PRAG1: variants seen among roughly 807,000 people sequenced by gnomAD.
PRAG1 encodes the protein PEAK1 related, kinase-activating pseudokinase 1.
A neutral mutation model predicts 95.6 loss-of-function variants in PRAG1; 110 were observed. The observed-to-expected ratio is 1.15, with a 90% CI of 0.99 to 1.35. The LOEUF (loss-of-function observed/expected upper bound fraction) is 1.35. Ranked by LOEUF, PRAG1 falls within the 40% of genes most tolerant of loss-of-function variation. The probability of loss-of-function intolerance (pLI) is 0.00; values close to 1 mark genes in which losing one functional copy is unlikely to be tolerated. For missense variants in PRAG1, 2,554 were observed against 1,864.7 expected (o/e 1.37, Z -6.81); for synonymous variants, 1,052 against 819.4 (o/e 1.28, Z -4.85).
chr8:8,367,703 G>A (rs576704876), intron 3 of PRAG1, among the ~76,000 whole-genome samples: 82 of 151,908 alleles, frequency 5.4e-4, no homozygotes, highest in Non-Finnish European at 1.0e-3. Context: ...GTGCAGTGGC[G>A]TGATCTCAGC....
intron 3 of PRAG1, among the ~76,000 whole-genome samples, chr8:8,348,721 C>T (rs1294604827): frequency 6.6e-6 from 1 of 152,180 alleles, no homozygotes; most frequent in East Asian, 1.9e-4. Flanking sequence ...TCAGTCTTCT[C>T]TGACCCTTCT....
Position 8,377,760 on chromosome 8 carries a change from T to C in PRAG1, c.649A>G (p.Thr217Ala). 6.2e-7 allele frequency: 1 copy of C among 1,614,062 alleles called. No homozygotes were observed. The highest frequency in any genetic ancestry group is 1.1e-5 in the South Asian group (1 of 91,084). Residue 217 changes from threonine (T) to alanine (A), a missense_variant, in exon 3 of 6, where the codon ACC becomes GCC. Thr to Ala is a moderately conservative substitution (Grantham distance 58, BLOSUM62 0). Coordinates refer to ENST00000615670, the MANE Select transcript of PRAG1 (RefSeq NM_001080826.3). Reference protein sequence around the residue: ...FRQKLAAFAGTTSGCHQGPGP... With the variant: ...FRQKLAAFAGATSGCHQGPGP... ...GGGCCCTGGTGACAGCCAGATGTGGTCCCAGCAAAGGCAGCCAGTTTCTGG... is the reference window on the plus strand; with the variant it reads ...GGGCCCTGGTGACAGCCAGATGTGGCCCCAGCAAAGGCAGCCAGTTTCTGG...
intron 3 of PRAG1, among the ~76,000 whole-genome samples, chr8:8,370,536 A>G (rs1025115033): frequency 2.6e-5 from 4 of 152,224 alleles, no homozygotes; most frequent in African/African-American, 9.6e-5. Context: ...GCCGTTATGC[A>G]TCAAGAGTAT....
At position 8,331,608 on chromosome 8, in the gene PRAG1, T is replaced by C. The variant is rs566112571; in HGVS notation, c.2321-3147A>G. Among the ~76,000 whole-genome samples, 57 of 152,326 alleles carry C rather than the reference T, an allele frequency of 3.7e-4. 1 individual carries two copies. The highest frequency in any genetic ancestry group is 1.3e-3 in the African/African-American group (55 of 41,574). On this transcript the variant is annotated intron_variant, in intron 4 of 5. Coordinates refer to ENST00000615670, the MANE Select transcript of PRAG1 (RefSeq NM_001080826.3). ...TCTAGTTCACACAAATTACCACTGGTACATTTTCCAATCTGTGAGGAGACC... is the reference window on the plus strand; with the variant it reads ...TCTAGTTCACACAAATTACCACTGGCACATTTTCCAATCTGTGAGGAGACC...
intron 5 of PRAG1, among the ~76,000 whole-genome samples, chr8:8,326,651 G>A (rs1158712022): frequency 1.3e-5 from 2 of 152,232 alleles, no homozygotes; most frequent in African/African-American, 2.4e-5. Context: ...TGGGTAGCAA[G>A]AGGCCTGATC....
In PRAG1 at chr8:8,377,364, TGCC is replaced by T; in HGVS notation, c.1042_1044del (p.Gly348del). 3.8e-6 allele frequency: 6 copies of T among 1,585,626 alleles called. No homozygotes were observed. The highest frequency in any genetic ancestry group is 1.8e-5 in the Admixed American group (1 of 56,464). On this transcript the variant is annotated inframe_deletion, in exon 3 of 6. Transcript: ENST00000615670. ...AAGGGGCTACTGGCGCCGCTGCCGC[TGCC>T]GCTGCCGCTGCCACAAGAGAGGCCG...
Position 8,319,291 on chromosome 8 carries a change from G to A in PRAG1, c.3084C>T (p.Ala1028=). 1.3e-6 allele frequency: 2 copies of A among 1,513,658 alleles called. No individual in the cohort carries two copies. The highest frequency in any genetic ancestry group is 1.8e-6 in the Non-Finnish European group (2 of 1,127,604). 93.8% of individuals were successfully genotyped at this position (1,513,658 alleles called of 1,614,324 possible). The change falls in exon 6 of 6, where the codon GCC becomes GCT. Residue 1028 remains alanine, a synonymous_variant. Transcript: ENST00000615670. ...GSTYAVKICK[A]PEPKTVSYCS... The stretch of plus-strand genomic sequence containing the variant: ...AGTAGGAGACTGTTTTGGGCTCAGG[G>A]GCTTTGCAGATCTGTGGAGAGAAGA...
intron 3 of PRAG1, among the ~76,000 whole-genome samples, chr8:8,353,321 T>C: frequency 6.6e-6 from 1 of 152,152 alleles, no homozygotes; most frequent in Admixed American, 6.5e-5. Context: ...AAACAAGTCT[T>C]ATAAATTCAG....
Position 8,386,363 on chromosome 8 carries a change from C to G in PRAG1, c.-130G>C, listed in dbSNP as rs1016527584. ...CCGGCCCCTCCGTCGGTCTCCGAGC[C>G]GCCAGCCGCCCGGCCGGAGCATTGT... On this transcript the variant is annotated 5_prime_UTR_variant, in exon 1 of 6. Transcript: ENST00000615670. The G allele has an allele frequency of 9.2e-5, 14 of 152,336 alleles. No homozygotes were observed. Among genetic ancestry groups the G allele is most frequent in the South Asian group, 4.1e-4 (2 of 4,838 alleles). 9.4% of individuals were successfully genotyped at this position (152,336 alleles called of 1,614,324 possible). A position where few individuals can be genotyped will look rare whatever the true frequency, so the allele number is the denominator to read the frequency against.
At chr8:8,382,567 A>G (rs1287642880) in intron 1 of PRAG1, among the ~76,000 whole-genome samples, 1 of 152,236 alleles carries the variant, frequency 6.6e-6, no homozygotes, top group East Asian at 1.9e-4. Context: ...TCATGGTCAA[A>G]GGTGGCTGGA....
intron 3 of PRAG1, among the ~76,000 whole-genome samples, chr8:8,351,110 C>G (rs1051046415): frequency 6.6e-6 from 1 of 152,132 alleles, no homozygotes; most frequent in African/African-American, 2.4e-5. Flanking sequence ...CCTCATGGTT[C>G]CACAGGCTGT....
chr8:8,359,491 C>T (rs10102766), intron 3 of PRAG1, among the ~76,000 whole-genome samples: 21,106 of 152,120 alleles, frequency 0.14, 1,598 homozygotes, highest in Middle Eastern at 0.17. Flanking sequence ...CAGGATGAGT[C>T]GTCTAGACTA....
At chr8:8,382,649 G>T (rs890167703) in intron 1 of PRAG1, among the ~76,000 whole-genome samples, 2 of 152,164 alleles carry the variant, frequency 1.3e-5, no homozygotes. Context: ...AAGGCAATTG[G>T]CTTGCTCAAA....
chr8:8,339,454 C>G (rs1225216010), intron 4 of PRAG1, 24 bp downstream of exon 4: 7 of 1,610,978 alleles, frequency 4.3e-6, no homozygotes, highest in Non-Finnish European at 5.1e-6. Flanking sequence ...ATCTAAGCCT[C>G]TCCGTCAATG....
At chr8:8,329,923 C>T (rs941033511) in intron 4 of PRAG1, among the ~76,000 whole-genome samples, 7 of 152,216 alleles carry the variant, frequency 4.6e-5, no homozygotes, top group South Asian at 2.1e-4. Context: ...TTGAATGCAA[C>T]GCTGACGGGA....
chr8:8,371,910 G>T (rs914821820), intron 3 of PRAG1, among the ~76,000 whole-genome samples: 1 of 152,078 alleles, frequency 6.6e-6, no homozygotes, highest in African/African-American at 2.4e-5. Context: ...CTTTCTTGGG[G>T]AAATTTTTCT....
intron 4 of PRAG1, among the ~76,000 whole-genome samples, chr8:8,337,476 G>A (rs528218259): frequency 1.3e-5 from 2 of 151,528 alleles, no homozygotes; most frequent in Non-Finnish European, 2.9e-5. Context: ...AAAGAAGAGA[G>A]AGAGAGAGAG....
Position 8,319,281 on chromosome 8 carries a change from T to C in PRAG1, c.3094A>G (p.Lys1032Glu). 1 of 1,519,684 alleles carries C rather than the reference T, an allele frequency of 6.6e-7. No homozygotes were observed. Among genetic ancestry groups the C allele is most frequent in the East Asian group, 2.3e-5 (1 of 43,066 alleles). 94.1% of individuals were successfully genotyped at this position (1,519,684 alleles called of 1,614,324 possible). The change falls in exon 6 of 6, where the codon AAA becomes GAA. Residue 1032 changes from lysine to glutamate, a missense_variant. Transcript: ENST00000615670. ...AVKICKAPEP[K>E]TVSYCSPSVP... ...GACGGGCTGCAGTAGGAGACTGTTTTGGGCTCAGGGGCTTTGCAGATCTGT... is the reference window on the plus strand; with the variant it reads ...GACGGGCTGCAGTAGGAGACTGTTTCGGGCTCAGGGGCTTTGCAGATCTGT...
At chr8:8,374,455 C>G (rs576464862) in intron 3 of PRAG1, 3 of 158,958 alleles carry the variant, frequency 1.9e-5, no homozygotes, top group African/African-American at 7.2e-5. Context: ...GGAGCGTAGA[C>G]TTAGGAGTCT....
Sources: allele counts gnomAD v4.1 joint callset (sites outside exome capture counted in the v4.1 genomes callset), GRCh38; gene constraint gnomAD v4.1.1; transcripts MANE v1.5; gene names NCBI Gene and HGNC (gene_info 2026-07-23, HGNC 2026-07-21).